The following NEDD8 variants were observed in gnomAD, a reference collection of about 807,000 sequenced individuals.
NEDD8 encodes the protein ubiquitin-like protein NEDD8.
Under a neutral mutation model 13.8 loss-of-function variants are expected in NEDD8, and 1 was observed. The ratio of observed to expected loss-of-function variants is 0.07; its 90% confidence interval spans 0.03 to 0.34. The LOEUF (loss-of-function observed/expected upper bound fraction) is 0.34. Ranked by LOEUF, NEDD8 falls within the 10% of genes least tolerant of loss-of-function variation. The pLI, the probability that NEDD8 is intolerant of heterozygous loss-of-function variation, is 0.99. For missense variants in NEDD8, 10 were observed against 95.2 expected (o/e 0.10, Z 3.73); for synonymous variants, 31 against 33.2 (o/e 0.93, Z 0.23).
In NEDD8 at chr14:24,217,240, C is replaced by T; in HGVS notation, c.150-17G>A. ...TCATCATTCCTGCAGGAAAAGGAAGCCAGAAAAAAAAGAAAAAGAAGACTT... is the reference window on the plus strand; with the variant it reads ...TCATCATTCCTGCAGGAAAAGGAAGTCAGAAAAAAAAGAAAAAGAAGACTT... On this transcript the variant is annotated splice_polypyrimidine_tract_variant and intron_variant, in intron 3 of 3. Coordinates refer to ENST00000250495, the MANE Select transcript of NEDD8 (RefSeq NM_006156.3). 6.3e-7 allele frequency: 1 copy of T among 1,585,340 alleles called. No homozygotes were observed. The highest frequency in any genetic ancestry group is 8.6e-7 in the Non-Finnish European group (1 of 1,167,164).
chr14:24,218,247 C>T, intron 2 of NEDD8, 32 bp from the exon 3 acceptor site: 1 of 1,614,124 alleles, frequency 6.2e-7, no homozygotes, highest in Non-Finnish European at 8.5e-7. Flanking sequence ...GGGGCTGCTG[C>T]TTAGGGGTAG....
intron 1 of NEDD8, among the ~76,000 whole-genome samples, chr14:24,229,310 C>T (rs1340218653): frequency 6.6e-6 from 1 of 152,214 alleles, no homozygotes; most frequent in Non-Finnish European, 1.5e-5. Context: ...ACCTCTGCCT[C>T]CCAGGTTCAA....
At chr14:24,232,118 C>A in intron 1 of NEDD8, 132 bp downstream of exon 1, 2 of 1,439,486 alleles carry the variant, frequency 1.4e-6, no homozygotes, top group Non-Finnish European at 9.5e-7. Flanking sequence ...CACCACCCCT[C>A]GCGCGGAGCC....
intron 1 of NEDD8, chr14:24,227,186 G>A (rs188666771): frequency 6.6e-6 from 1 of 152,328 alleles, no homozygotes; most frequent in East Asian, 1.9e-4. Context: ...ATGAACGTAT[G>A]CTATTGTCAA....
At chr14:24,228,249 C>G (rs563363884) in intron 1 of NEDD8, 1 of 151,712 alleles carries the variant, frequency 6.6e-6, no homozygotes, top group Non-Finnish European at 1.5e-5. Context: ...AAAAGTTAGC[C>G]GGGTATGGTG....
intron 1 of NEDD8, among the ~76,000 whole-genome samples, chr14:24,230,705 G>T (rs372217729): frequency 6.8e-6 from 1 of 147,606 alleles, no homozygotes; most frequent in African/African-American, 2.5e-5. Flanking sequence ...TGCAATCTCC[G>T]CCTCCCAGGT....
intron 1 of NEDD8, among the ~76,000 whole-genome samples, chr14:24,229,021 G>GA (rs2039946200): frequency 6.6e-6 from 1 of 152,016 alleles, no homozygotes; most frequent in African/African-American, 2.4e-5. Context: ...CAAAGAAACA[G>GA]AAAAAATCTA....
intron 1 of NEDD8, among the ~76,000 whole-genome samples, chr14:24,224,359 C>A (rs192808687): frequency 6.0e-4 from 92 of 152,298 alleles, no homozygotes; most frequent in African/African-American, 2.0e-3. Context: ...CCACCATGCC[C>A]GGCCTGAAAA....
In NEDD8 at chr14:24,217,032, G is replaced by A; in HGVS notation, c.*95C>T. The A allele has an allele frequency of 1.0e-6, 1 of 959,304 alleles. No individual in the cohort carries two copies. The allele number at this position is 959,304 out of a possible 1,614,324, so 59.4% of individuals were successfully genotyped here. A position where few individuals can be genotyped will look rare whatever the true frequency, so the allele number is the denominator to read the frequency against. ...GTAGACATACATTACTGGGCATCCAGGGGAGGGGGCAGTGGCTATGGTGTC... is the reference window on the plus strand; with the variant it reads ...GTAGACATACATTACTGGGCATCCAAGGGAGGGGGCAGTGGCTATGGTGTC... On this transcript the variant is annotated 3_prime_UTR_variant, in exon 4 of 4. Coordinates refer to ENST00000250495, the MANE Select transcript of NEDD8 (RefSeq NM_006156.3).
At position 24,218,174 on chromosome 14, in the gene NEDD8, G is replaced by A. The variant is rs1566664175; in HGVS notation, c.108C>T (p.Ile36=). Residue 36 remains isoleucine (I), a synonymous_variant, in exon 3 of 4, where the codon ATC becomes ATT. Coordinates refer to ENST00000250495, the MANE Select transcript of NEDD8 (RefSeq NM_006156.3). ...IKERVEEKEG[I]PPQQQRLIYS... Reference sequence around the variant, plus strand: ...AGATGAGCCTCTGCTGTTGTGGGGGGATTCCCTCTTTCTCCTCCACACGCT... The same window carrying A: ...AGATGAGCCTCTGCTGTTGTGGGGGAATTCCCTCTTTCTCCTCCACACGCT... 2 of 1,614,088 alleles carry A rather than the reference G, an allele frequency of 1.2e-6. No individual in the cohort carries two copies. Among genetic ancestry groups the A allele is most frequent in the Non-Finnish European group, 8.5e-7 (1 of 1,180,032 alleles).
intron 1 of NEDD8, chr14:24,226,661 TA>T (rs1429960390): frequency 1.3e-5 from 2 of 152,058 alleles, no homozygotes; most frequent in African/African-American, 4.8e-5. Flanking sequence ...ATAGCCAAAA[TA>T]AAAATGACTG....
chr14:24,224,023 G>C (rs999102114), intron 1 of NEDD8, among the ~76,000 whole-genome samples: 3 of 152,078 alleles, frequency 2.0e-5, no homozygotes, highest in African/African-American at 7.2e-5. Flanking sequence ...CACCTCCCGG[G>C]TTCACGCCAT....
intron 3 of NEDD8, among the ~76,000 whole-genome samples, 191 bp from the exon 4 acceptor site, chr14:24,217,414 T>C (rs8019514): frequency 0.13 from 19,008 of 151,956 alleles, 3,517 homozygotes; most frequent in African/African-American, 0.41. Flanking sequence ...TTCAGCCTCC[T>C]GAGTAGCTGG....
At chr14:24,218,586 A>T (rs2039747581) in intron 1 of NEDD8, 155 bp from the exon 2 acceptor site, 1 of 987,004 alleles carries the variant, frequency 1.0e-6, no homozygotes, top group South Asian at 1.6e-5. Context: ...CTTTGAACAT[A>T]CCTTCATTTA....
At chr14:24,227,238 G>A (rs1486183669) in intron 1 of NEDD8, 2 of 152,138 alleles carry the variant, frequency 1.3e-5, no homozygotes, top group African/African-American at 4.8e-5. Context: ...GCATTTTACT[G>A]TATGTTAAAA....
chr14:24,220,081 G>A (rs921440870), intron 1 of NEDD8, among the ~76,000 whole-genome samples: 7 of 152,214 alleles, frequency 4.6e-5, no homozygotes, highest in Admixed American at 3.9e-4. Flanking sequence ...AGAAGTTGCG[G>A]TGAGCTGAGA....
chr14:24,221,654 G>A (rs2039812164), intron 1 of NEDD8, among the ~76,000 whole-genome samples: 1 of 151,956 alleles, frequency 6.6e-6, no homozygotes, highest in Non-Finnish European at 1.5e-5. Context: ...GGAGTGCAAC[G>A]GCACAATCTC....
intron 1 of NEDD8, chr14:24,227,730 A>G (rs569654988): frequency 6.6e-6 from 1 of 152,364 alleles, no homozygotes; most frequent in South Asian, 2.1e-4. Flanking sequence ...GATTTAAATC[A>G]GGAAGAATTT....
At chr14:24,231,171 G>C (rs1471187716) in intron 1 of NEDD8, among the ~76,000 whole-genome samples, 1 of 152,152 alleles carries the variant, frequency 6.6e-6, no homozygotes, top group African/African-American at 2.4e-5. Flanking sequence ...GATTACAGGC[G>C]TGAGCCACCG....
Sources: allele counts gnomAD v4.1 joint callset (sites outside exome capture counted in the v4.1 genomes callset), GRCh38; gene constraint gnomAD v4.1.1; transcripts MANE v1.5; gene names NCBI Gene and HGNC (gene_info 2026-07-23, HGNC 2026-07-21).